PLEKHG1: variants seen among roughly 807,000 people sequenced by gnomAD.
PLEKHG1 encodes pleckstrin homology and RhoGEF domain containing G1.
PLEKHG1 carries 44 observed loss-of-function variants against 100.8 expected under a neutral mutation model. The observed-to-expected ratio is 0.44, with a 90% CI of 0.34 to 0.56. The LOEUF is 0.56. Among genes scored for constraint, PLEKHG1 ranks in the 20% least tolerant of loss-of-function variants. The pLI, the probability that PLEKHG1 is intolerant of heterozygous loss-of-function variation, is 0.01. For synonymous variants in PLEKHG1, 640 were observed against 662.5 expected, an observed-to-expected ratio of 0.97 and a Z score of 0.52; for missense variants, 1,545 against 1,720.9, an observed-to-expected ratio of 0.90 and a Z score of 1.81.
At chr6:150,626,800 C>G (rs1048120478) in intron 1 of PLEKHG1, among the ~76,000 whole-genome samples, 2 of 151,970 alleles carry the variant, frequency 1.3e-5, no homozygotes, top group African/African-American at 4.8e-5. Flanking sequence ...GCATACCACA[C>G]TGTGTGTGTG....
chr6:150,802,794 G>C (rs1256630340), intron 6 of PLEKHG1, among the ~76,000 whole-genome samples: 1 of 151,734 alleles, frequency 6.6e-6, no homozygotes, highest in Non-Finnish European at 1.5e-5. Flanking sequence ...CCGAGTAGCT[G>C]GGACTACAGG....
At chr6:150,750,071 C>CA (rs1303835261) in intron 2 of PLEKHG1, among the ~76,000 whole-genome samples, 4,227 of 129,872 alleles carry the variant, frequency 0.033, 280 homozygotes, top group African/African-American at 0.12. Flanking sequence ...GACTCTGTCT[C>CA]AAAAAAAAAA....
chr6:150,734,384 C>T (rs191555261), intron 2 of PLEKHG1, among the ~76,000 whole-genome samples: 6 of 152,334 alleles, frequency 3.9e-5, no homozygotes, highest in Admixed American at 3.3e-4. Flanking sequence ...GTGACTCACA[C>T]GCAGTGGGGC....
intron 2 of PLEKHG1, among the ~76,000 whole-genome samples, chr6:150,766,511 A>T (rs1314343607): frequency 6.6e-6 from 1 of 152,252 alleles, no homozygotes; most frequent in Non-Finnish European, 1.5e-5. Flanking sequence ...TGTACTTATG[A>T]TCAGTGGGGG....
chr6:150,663,066 T>C (rs1779257663), intron 3 of PLEKHG1: 1 of 142,508 alleles, frequency 7.0e-6, no homozygotes, highest in African/African-American at 2.5e-5. Flanking sequence ...CTGTGAGATA[T>C]TGAACACGTT....
At chr6:150,673,451 A>C (rs942767061) in intron 3 of PLEKHG1, among the ~76,000 whole-genome samples, 3 of 152,190 alleles carry the variant, frequency 2.0e-5, no homozygotes, top group African/African-American at 7.2e-5. Flanking sequence ...GTCTATAGGC[A>C]ATGCTTGCTT....
intron 1 of PLEKHG1, among the ~76,000 whole-genome samples, chr6:150,631,023 A>G (rs1051138938): frequency 2.6e-5 from 4 of 152,156 alleles, no homozygotes; most frequent in African/African-American, 9.7e-5. Flanking sequence ...GGAGGGGGCC[A>G]AAGTCTGATG....
intron 3 of PLEKHG1, among the ~76,000 whole-genome samples, chr6:150,693,602 A>G (rs945690916): frequency 6.6e-6 from 1 of 152,042 alleles, no homozygotes; most frequent in Non-Finnish European, 1.5e-5. Flanking sequence ...CCACTCCCCC[A>G]TGTGTTTCGT....
At chr6:150,804,613 A>G in exon 7 of PLEKHG1, 1 of 1,581,372 alleles carries the variant, frequency 6.3e-7, no homozygotes, top group Non-Finnish European at 8.5e-7. Context: ...GTTTAAGGAA[A>G]TAGAAAACCA....
intron 3 of PLEKHG1, among the ~76,000 whole-genome samples, chr6:150,689,633 T>G (rs1780268142): frequency 6.6e-6 from 1 of 151,894 alleles, no homozygotes; most frequent in African/African-American, 2.4e-5. Context: ...GAGGCCAAGG[T>G]GGGTGGGTCA....
chr6:150,613,876 G>T (rs529487160), intron 1 of PLEKHG1, among the ~76,000 whole-genome samples: 1 of 152,128 alleles, frequency 6.6e-6, no homozygotes, highest in Non-Finnish European at 1.5e-5. Flanking sequence ...CTAGGTCTGC[G>T]TTTTTTCTCG....
chr6:150,759,477 C>G (rs1562493582), intron 2 of PLEKHG1, among the ~76,000 whole-genome samples: 1 of 152,094 alleles, frequency 6.6e-6, no homozygotes, highest in Non-Finnish European at 1.5e-5. Flanking sequence ...GGTATAAAAC[C>G]TTTGAAGTGA....
intron 15 of PLEKHG1, among the ~76,000 whole-genome samples, chr6:150,839,419 C>T (rs1366083873): frequency 6.6e-6 from 1 of 152,108 alleles, no homozygotes; most frequent in East Asian, 1.9e-4. Flanking sequence ...CCCAGCCCTG[C>T]GATGCTGCTT....
chr6:150,742,845 G>T (rs1782952481), intron 2 of PLEKHG1, among the ~76,000 whole-genome samples: 1 of 152,152 alleles, frequency 6.6e-6, no homozygotes, highest in Non-Finnish European at 1.5e-5. Flanking sequence ...GTTCAGGTGA[G>T]GAGGAGCAGC....
At chr6:150,668,173 GT>G (rs1330729994) in intron 3 of PLEKHG1, among the ~76,000 whole-genome samples, 1 of 152,218 alleles carries the variant, frequency 6.6e-6, no homozygotes, top group African/African-American at 2.4e-5. Context: ...GAAACTCACT[GT>G]TGCTTGTGCT....
intron 1 of PLEKHG1, among the ~76,000 whole-genome samples, chr6:150,615,525 C>T (rs1199181622): frequency 6.6e-6 from 1 of 152,126 alleles, no homozygotes; most frequent in Non-Finnish European, 1.5e-5. Context: ...CATTGCAGCC[C>T]CTTCATCTTT....
intron 2 of PLEKHG1, among the ~76,000 whole-genome samples, chr6:150,737,230 T>C (rs1782608537): frequency 1.3e-5 from 2 of 152,054 alleles, no homozygotes; most frequent in African/African-American, 4.8e-5. Flanking sequence ...AAGTAAACAA[T>C]TATTGTCAAG....
At position 150,684,761 on chromosome 6, in the gene PLEKHG1, G is replaced by A. The variant is rs138066844; in HGVS notation, c.-99+33975G>A. The stretch of plus-strand genomic sequence containing the variant: ...TTCTCAGTGTGTCCCTTTTCATGGC[G>A]GGGGGTTGGGGTGTATCTTACAATA... On this transcript the variant is annotated intron_variant, in intron 3 of 3. Transcript: ENST00000367326. Among the ~76,000 whole-genome samples, 9 of 151,978 alleles carry A rather than the reference G, an allele frequency of 5.9e-5. No homozygotes were observed. The East Asian group carries it at 1.5e-3, about 26-fold the overall frequency.
In PLEKHG1 at chr6:150,817,103, C is replaced by CT. The variant is rs367972671; in HGVS notation, c.1279-1079dup. On this transcript the variant is annotated intron_variant, in intron 10 of 15. Coordinates refer to ENST00000358517, the Ensembl canonical transcript of PLEKHG1. Reference sequence around the variant, plus strand: ...TAACAGGCTACGAACTAGTACTAGTCTGTGGCTCGGGGGTTGGGGACCCCT... The same window carrying CT: ...TAACAGGCTACGAACTAGTACTAGTCTTGTGGCTCGGGGGTTGGGGACCCCT... 2.5e-3 allele frequency among the ~76,000 whole-genome samples: 383 copies of CT among 152,336 alleles called. 4 individuals are homozygous for CT. The highest frequency in any genetic ancestry group is 8.6e-3 in the African/African-American group (358 of 41,586).
Sources: gnomAD v4.1 joint callset for allele counts (sites outside exome capture counted in the v4.1 genomes callset) on GRCh38, gnomAD v4.1.1 for gene constraint, MANE v1.5 for transcripts, NCBI Gene and HGNC (gene_info 2026-07-23, HGNC 2026-07-21) for gene names.